EPB41L3: variants seen among roughly 807,000 people sequenced by gnomAD.
EPB41L3 encodes the protein erythrocyte membrane protein band 4.1 like 3.
In EPB41L3, 57 loss-of-function variants were observed where a neutral mutation model predicts 127.1. The observed-to-expected ratio is 0.45, with a 90% CI of 0.36 to 0.56. The LOEUF (loss-of-function observed/expected upper bound fraction) is 0.56. EPB41L3 is among the 20% of genes least tolerant of loss of function. The probability of loss-of-function intolerance (pLI) is 0.00; values close to 1 mark genes in which losing one functional copy is unlikely to be tolerated. For missense variants in EPB41L3, 1,273 were observed against 1,372.2 expected (o/e 0.93, Z 1.14); for synonymous variants, 572 against 549.5 (o/e 1.04, Z -0.57).
chr18:5,596,924 C>A (rs759545310), intron 3 of EPB41L3, among the ~76,000 whole-genome samples: 1 of 152,032 alleles, frequency 6.6e-6, no homozygotes, highest in African/African-American at 2.4e-5. Context: ...CCTCTCCCAG[C>A]TCTCCACATA....
Position 5,406,832 on chromosome 18 carries a change from C to T in EPB41L3, c.2294G>A (p.Arg765Gln), listed in dbSNP as rs771825571. Residue 765 changes from arginine to glutamine, a missense_variant, in exon 16 of 23, where the codon CGA (arginine) becomes CAA (glutamine). By Grantham distance (43) the Arg-to-Gln change is conservative (BLOSUM62 1). Around this residue, in one of 3 missense-constraint regions of EPB41L3, gnomAD observed 765 missense variants for 782.9 expected, o/e 0.98. Transcript: ENST00000341928. Reference protein sequence around the residue: ...WEKRLSTSPVRLAARQEDAPM... With the variant: ...WEKRLSTSPVQLAARQEDAPM... Reference sequence around the variant, plus strand: ...GGCATCCTCCTGCCTGGCGGCCAGTCGCACGGGGGAGGTGGAAAGCCTCTT... The same window carrying T: ...GGCATCCTCCTGCCTGGCGGCCAGTTGCACGGGGGAGGTGGAAAGCCTCTT... 16 of 1,614,058 alleles carry T rather than the reference C, an allele frequency of 9.9e-6. No individual in the cohort carries two copies. Among genetic ancestry groups the T allele is most frequent in the Non-Finnish European group, 1.2e-5 (14 of 1,180,038 alleles).
At chr18:5,532,007 G>A (rs937555623) in intron 1 of EPB41L3, among the ~76,000 whole-genome samples, 1 of 152,214 alleles carries the variant, frequency 6.6e-6, no homozygotes, top group African/African-American at 2.4e-5. Context: ...CAGTTAACTA[G>A]GGCCTGCCGT....
intron 3 of EPB41L3, among the ~76,000 whole-genome samples, chr18:5,610,899 T>G (rs564253153): frequency 1.3e-5 from 2 of 152,334 alleles, no homozygotes; most frequent in South Asian, 2.1e-4. Context: ...ATAATTGCTC[T>G]ATCAGGGAAG....
chr18:5,501,881 CTCA>C (rs1224824697), intron 1 of EPB41L3, among the ~76,000 whole-genome samples: 1 of 152,194 alleles, frequency 6.6e-6, no homozygotes, highest in Non-Finnish European at 1.5e-5. Flanking sequence ...AAAGCAGTGC[CTCA>C]TCAAGTTCTC....
intron 19 of EPB41L3, 122 bp downstream of exon 19, chr18:5,396,079 G>T: frequency 8.3e-7 from 1 of 1,207,310 alleles, no homozygotes. Context: ...TAATAGAAAT[G>T]GTCTGGCTGC....
At position 5,448,091 on chromosome 18, in the gene EPB41L3, C is replaced by T. The variant is rs149124487; in HGVS notation, c.382-2847G>A. Among the ~76,000 whole-genome samples, 17 of 152,190 alleles carry T rather than the reference C, an allele frequency of 1.1e-4. No homozygotes were observed. In the South Asian group the frequency reaches 1.9e-3, roughly 17 times the overall value. ...AAGGCTTTTAAGTTATTCGGGCCTCCATTTTCTCATCCTTGAGTGGGGATG... is the reference window on the plus strand; with the variant it reads ...AAGGCTTTTAAGTTATTCGGGCCTCTATTTTCTCATCCTTGAGTGGGGATG... On this transcript the variant is annotated intron_variant, in intron 3 of 22. Transcript: ENST00000341928.
upstream of EPB41L3, among the ~76,000 whole-genome samples, chr18:5,548,321 A>C (rs2093914010): frequency 6.6e-6 from 1 of 152,242 alleles, no homozygotes; most frequent in East Asian, 1.9e-4. Context: ...TAAGGCTTCC[A>C]GATGCTCTCT....
intron 14 of EPB41L3, among the ~76,000 whole-genome samples, chr18:5,409,974 GATT>G (rs1239742350): frequency 2.0e-5 from 3 of 151,930 alleles, no homozygotes; most frequent in Non-Finnish European, 4.4e-5. Context: ...TGTTTAATGT[GATT>G]ATATTTTTTA....
intron 1 of EPB41L3, among the ~76,000 whole-genome samples, chr18:5,537,119 A>G (rs1285053292): frequency 2.0e-5 from 3 of 152,222 alleles, no homozygotes; most frequent in Admixed American, 2.0e-4. Context: ...CATAGTTATT[A>G]AATAGCAAGG....
intron 3 of EPB41L3, among the ~76,000 whole-genome samples, chr18:5,555,599 C>T (rs1221279494): frequency 1.3e-5 from 2 of 152,170 alleles, no homozygotes; most frequent in Non-Finnish European, 2.9e-5. Flanking sequence ...CTCCCAAACC[C>T]TCTTGTCAGA....
At chr18:5,541,016 C>T (rs1437378875) in intron 1 of EPB41L3, among the ~76,000 whole-genome samples, 12 of 142,208 alleles carry the variant, frequency 8.4e-5, no homozygotes, top group East Asian at 4.4e-4. Context: ...ACCCGGGAGG[C>T]GGAGCTTGCA....
chr18:5,629,415 C>CCACACA (rs61034629), upstream of EPB41L3, among the ~76,000 whole-genome samples: 11,377 of 143,690 alleles, frequency 0.079, 523 homozygotes, highest in East Asian at 0.13. Context: ...TCCTTACACA[C>CCACACA]CACACACACA....
Position 5,443,874 on chromosome 18 carries a change from A to G in EPB41L3, c.493T>C (p.Leu165=). ...YRDAENQKNW[L]DPAKEIKKQV... ...TTTTTTATTTCCTTAGCAGGGTCCA[A>G]CCAATTCTGAAAAGGAAATGACATT... is the stretch of plus-strand genomic sequence containing the variant. The change falls in exon 5 of 23, where the codon TTG becomes CTG. Residue 165 remains leucine, a synonymous_variant. Transcript: ENST00000341928. The G allele has an allele frequency of 2.5e-6, 4 of 1,607,244 alleles. No homozygotes were observed. Among genetic ancestry groups the G allele is most frequent in the Non-Finnish European group, 3.4e-6 (4 of 1,177,712 alleles).
At chr18:5,511,608 T>C (rs1731704957) in intron 1 of EPB41L3, among the ~76,000 whole-genome samples, 1 of 152,116 alleles carries the variant, frequency 6.6e-6, no homozygotes, top group African/African-American at 2.4e-5. Flanking sequence ...ACATTTACCA[T>C]ATAAAATGTT....
intron 11 of EPB41L3, chr18:5,420,119 G>T: frequency 1.4e-6 from 1 of 715,734 alleles, no homozygotes; most frequent in Non-Finnish European, 2.2e-6. Context: ...TCCTATATGA[G>T]TGCTTTAAAA....
At chr18:5,499,444 TAATC>T (rs146422058) in intron 1 of EPB41L3, among the ~76,000 whole-genome samples, 3,065 of 152,170 alleles carry the variant, frequency 0.02, 96 homozygotes, top group African/African-American at 0.069. Flanking sequence ...AGTCAAATAT[TAATC>T]AATTCAAATT....
intron 12 of EPB41L3, among the ~76,000 whole-genome samples, chr18:5,418,944 T>A (rs1233481982): frequency 1.3e-5 from 2 of 152,320 alleles, no homozygotes; most frequent in South Asian, 2.1e-4. Flanking sequence ...CTATGCTCTG[T>A]ACAGGCCAGG....
intron 1 of EPB41L3, among the ~76,000 whole-genome samples, chr18:5,533,057 A>C (rs1043273491): frequency 1.3e-5 from 2 of 152,180 alleles, no homozygotes; most frequent in Admixed American, 1.3e-4. Flanking sequence ...TTTGTCAAAG[A>C]TCTTTTCACA....
intron 3 of EPB41L3, among the ~76,000 whole-genome samples, chr18:5,578,167 A>G (rs1170188542): frequency 6.6e-6 from 1 of 152,188 alleles, no homozygotes; most frequent in African/African-American, 2.4e-5. Flanking sequence ...TTGGTTGTCT[A>G]TTATGCTGTA....
Sources: gnomAD v4.1 joint callset for allele counts (sites outside exome capture counted in the v4.1 genomes callset) on GRCh38, gnomAD v4.1.1 for gene constraint, gnomAD v4.1.1 regional missense constraint, MANE v1.5 for transcripts, NCBI Gene and HGNC (gene_info 2026-07-23, HGNC 2026-07-21) for gene names.